The following SLCO3A1 variants were observed in gnomAD, a reference collection of about 807,000 sequenced individuals.
SLCO3A1 encodes the protein solute carrier organic anion transporter family member 3A1, also known as PGE1 transporter.
In SLCO3A1, 27 loss-of-function variants were observed where a neutral mutation model predicts 63.1. That is an observed-to-expected ratio of 0.43 (90% CI 0.32 to 0.59). The LOEUF (loss-of-function observed/expected upper bound fraction) is 0.59. SLCO3A1 is among the 20% of genes least tolerant of loss of function. SLCO3A1 has a pLI of 0.09. For missense variants in SLCO3A1, 773 were observed against 945.8 expected (o/e 0.82, Z 2.40); for synonymous variants, 473 against 409.9 (o/e 1.15, Z -1.86).
At chr15:92,089,008 A>ATTTATTAT (rs563822068) in intron 2 of SLCO3A1, among the ~76,000 whole-genome samples, 14 of 90,582 alleles carry the variant, frequency 1.5e-4, no homozygotes, top group African/African-American at 4.4e-4. Flanking sequence ...TTATTTATTT[A>ATTTATTAT]TTATTTATTT....
chr15:91,855,965 C>T (rs1016082944), intron 1 of SLCO3A1, among the ~76,000 whole-genome samples: 5 of 151,990 alleles, frequency 3.3e-5, no homozygotes, highest in African/African-American at 7.3e-5. Context: ...TACTATTTTT[C>T]GGTTGCAGTG....
chr15:91,867,015 AGCATGT>A (rs1420986065), intron 1 of SLCO3A1, among the ~76,000 whole-genome samples: 1 of 152,158 alleles, frequency 6.6e-6, no homozygotes, highest in Non-Finnish European at 1.5e-5. Context: ...CATTGGAGGC[AGCATGT>A]GATTGGAAAC....
At chr15:92,106,951 T>A (rs1223739793) in intron 4 of SLCO3A1, among the ~76,000 whole-genome samples, 1 of 152,222 alleles carries the variant, frequency 6.6e-6, no homozygotes, top group East Asian at 1.9e-4. Context: ...CCATTGGTAG[T>A]TACTGAGACC....
rs1356804881 is a variant in SLCO3A1, at chr15:92,133,332, C to G, written c.1512+4843C>G. ...TGACACTGAGTATTCATCATTCAGT[C>G]TCTTTTTTCTTCTCACCATGACCAT... On this transcript the variant is annotated intron_variant, in intron 7 of 9. Coordinates refer to ENST00000318445, the MANE Select transcript of SLCO3A1 (RefSeq NM_013272.4). 1.4e-5 allele frequency among the ~76,000 whole-genome samples: 2 copies of G among 146,204 alleles called. 1 individual carries two copies. The highest frequency in any genetic ancestry group is 5.0e-5 in the African/African-American group (2 of 40,286).
At position 92,104,297 on chromosome 15, in the gene SLCO3A1, C is replaced by G. The variant is rs1323549586; in HGVS notation, c.764C>G (p.Pro255Arg). Residue 255 changes from proline to arginine, a missense_variant, in exon 4 of 10, where the codon CCG (proline) becomes CGG (arginine). Around this residue, in one of 3 missense-constraint regions of SLCO3A1, gnomAD observed 565 missense variants for 749.8 expected, o/e 0.75. Transcript: ENST00000318445. ...TTTACAGGTAACCTGGACATCACTC[C>G]GGACGACCCCCGCTGGATCGGAGCC... ...FIDTSNLDIT[P>R]DDPRWIGAWW... 6.2e-7 allele frequency: 1 copy of G among 1,614,132 alleles called. No individual in the cohort carries two copies. Among genetic ancestry groups the G allele is most frequent in the Non-Finnish European group, 8.5e-7 (1 of 1,180,026 alleles).
rs1400968903 is a variant in SLCO3A1 at position 91,853,714 on chromosome 15, G to GCGA, written c.-193_-192insACG. On this transcript the variant is annotated 5_prime_UTR_variant, in exon 1 of 10. Transcript: ENST00000318445. ...GGAGGAGGAGGAGGAAGGGGCGATC[G>GCGA]CGGCGGCGGCGGCGGCGGCGAGGAG... 3.1e-6 allele frequency: 1 copy of GCGA among 321,632 alleles called. No individual in the cohort carries two copies. Among genetic ancestry groups the GCGA allele is most frequent in the Non-Finnish European group, 4.2e-6 (1 of 238,908 alleles). 19.9% of individuals were successfully genotyped at this position (321,632 alleles called of 1,614,324 possible). A position where few individuals can be genotyped will look rare whatever the true frequency, so the allele number is the denominator to read the frequency against.
intron 2 of SLCO3A1, among the ~76,000 whole-genome samples, chr15:91,928,366 A>C (rs1899106771): frequency 6.6e-6 from 1 of 152,178 alleles, no homozygotes; most frequent in African/African-American, 2.4e-5. Context: ...CTGTGTAGGT[A>C]AAGGAGCTAA....
At chr15:92,062,177 A>AAC (rs148305241) in intron 2 of SLCO3A1, among the ~76,000 whole-genome samples, 3 of 152,188 alleles carry the variant, frequency 2.0e-5, no homozygotes, top group African/African-American at 7.2e-5. Context: ...TAGGACAGCA[A>AAC]ACACACACAC....
At chr15:91,919,588 T>G (rs1898775925) in intron 2 of SLCO3A1, among the ~76,000 whole-genome samples, 1 of 152,270 alleles carries the variant, frequency 6.6e-6, no homozygotes. Context: ...ATCCATTCTT[T>G]GGGAGTCTAG....
At chr15:92,023,022 C>A (rs558595500) in intron 2 of SLCO3A1, among the ~76,000 whole-genome samples, 2 of 152,140 alleles carry the variant, frequency 1.3e-5, no homozygotes, top group Non-Finnish European at 2.9e-5. Flanking sequence ...GTTATGCCAG[C>A]AAAACCGTTC....
chr15:92,098,135 G>T (rs1466476089), intron 3 of SLCO3A1: 2 of 152,298 alleles, frequency 1.3e-5, no homozygotes, highest in African/African-American at 4.8e-5. Context: ...TCGTTATGGG[G>T]TAGATGGAGG....
At chr15:92,053,721 G>A (rs773900615) in intron 2 of SLCO3A1, among the ~76,000 whole-genome samples, 27 of 145,108 alleles carry the variant, frequency 1.9e-4, no homozygotes, top group Non-Finnish European at 3.0e-4. Context: ...ACTTCTCATG[G>A]TTAAACTGGG....
At chr15:91,974,308 G>A (rs1020835333) in intron 2 of SLCO3A1, among the ~76,000 whole-genome samples, 1 of 105,584 alleles carries the variant, frequency 9.5e-6, no homozygotes, top group Non-Finnish European at 2.0e-5. Flanking sequence ...ATTTCTCTAA[G>A]CCTTCTTAGC....
intron 2 of SLCO3A1, among the ~76,000 whole-genome samples, chr15:92,087,756 T>A (rs1027130276): frequency 1.3e-5 from 2 of 152,004 alleles, no homozygotes; most frequent in Non-Finnish European, 2.9e-5. Context: ...CAACCTCAGG[T>A]GATCTGCCTG....
At chr15:92,068,452 A>G (rs1057144059) in intron 2 of SLCO3A1, among the ~76,000 whole-genome samples, 1 of 152,190 alleles carries the variant, frequency 6.6e-6, no homozygotes, top group African/African-American at 2.4e-5. Context: ...AAATTCATTC[A>G]TAGCCCAACC....
At chr15:91,995,177 G>C (rs2046175952) in intron 2 of SLCO3A1, among the ~76,000 whole-genome samples, 1 of 152,182 alleles carries the variant, frequency 6.6e-6, no homozygotes, top group Non-Finnish European at 1.5e-5. Flanking sequence ...AGCCAGAGGT[G>C]ATGCTGTTGG....
At chr15:92,075,977 T>C (rs57940928) in intron 2 of SLCO3A1, among the ~76,000 whole-genome samples, 3,616 of 152,328 alleles carry the variant, frequency 0.024, 140 homozygotes, top group African/African-American at 0.083. Context: ...GAAATGAAGT[T>C]GGTCTGGCGT....
At chr15:91,918,738 T>C (rs1456022246) in intron 2 of SLCO3A1, among the ~76,000 whole-genome samples, 1 of 151,534 alleles carries the variant, frequency 6.6e-6, no homozygotes, top group Non-Finnish European at 1.5e-5. Flanking sequence ...TTAACTTTAC[T>C]TCACAGTATT....
chr15:91,913,810 G>C (rs985461693), intron 1 of SLCO3A1, among the ~76,000 whole-genome samples: 2 of 152,074 alleles, frequency 1.3e-5, no homozygotes, highest in Non-Finnish European at 2.9e-5. Context: ...ACACCCGGTT[G>C]GTCAGCAGAT....
Sources: allele counts gnomAD v4.1 joint callset (sites outside exome capture counted in the v4.1 genomes callset), GRCh38; gene constraint gnomAD v4.1.1; regional missense constraint gnomAD v4.1.1; transcripts MANE v1.5; gene names NCBI Gene and HGNC (gene_info 2026-07-23, HGNC 2026-07-21).